The following PLXDC2 variants were observed in gnomAD, a reference collection of about 807,000 sequenced individuals.
PLXDC2 encodes the protein plexin domain-containing protein 2.
Under a neutral mutation model 68.9 loss-of-function variants are expected in PLXDC2, and 40 were observed. The observed-to-expected ratio is 0.58, with a 90% CI of 0.45 to 0.76. The LOEUF (loss-of-function observed/expected upper bound fraction) is 0.76. Among genes scored for constraint, PLXDC2 ranks in the 30% least tolerant of loss-of-function variants. PLXDC2 has a pLI of 0.00. For synonymous variants in PLXDC2, 243 were observed against 234.2 expected, an observed-to-expected ratio of 1.04 and a Z score of -0.34; for missense variants, 644 against 661.9, an observed-to-expected ratio of 0.97 and a Z score of 0.30.
intron 4 of PLXDC2, among the ~76,000 whole-genome samples, chr10:20,081,160 T>A (rs931239474): frequency 3.3e-5 from 5 of 152,132 alleles, no homozygotes; most frequent in African/African-American, 1.2e-4. Context: ...TGGGGGAAAG[T>A]CATTTCTCCC....
intron 1 of PLXDC2, among the ~76,000 whole-genome samples, chr10:19,825,100 A>G (rs140546664): frequency 6.6e-6 from 1 of 152,256 alleles, no homozygotes; most frequent in Non-Finnish European, 1.5e-5. Flanking sequence ...AGGCCTTATC[A>G]TAGTTAGTGG....
At chr10:20,059,805 G>A (rs1589609573) in intron 3 of PLXDC2, among the ~76,000 whole-genome samples, 2 of 152,200 alleles carry the variant, frequency 1.3e-5, no homozygotes, top group East Asian at 1.9e-4. Flanking sequence ...CATGGTAAAA[G>A]CATTATTAGT....
intron 13 of PLXDC2, among the ~76,000 whole-genome samples, chr10:20,247,584 C>T (rs1392479575): frequency 2.0e-5 from 3 of 152,136 alleles, no homozygotes; most frequent in Non-Finnish European, 4.4e-5. Context: ...CTTCCTGCCT[C>T]GGCAGCTGGG....
chr10:19,983,372 T>G (rs1834585298), intron 1 of PLXDC2, among the ~76,000 whole-genome samples: 1 of 152,230 alleles, frequency 6.6e-6, no homozygotes, highest in African/African-American at 2.4e-5. Flanking sequence ...TAAGCATTTT[T>G]CTAAGCGTTC....
chr10:20,236,823 A>G (rs1835438498), intron 12 of PLXDC2, among the ~76,000 whole-genome samples: 1 of 152,238 alleles, frequency 6.6e-6, no homozygotes, highest in East Asian at 1.9e-4. Context: ...ATATCTGCAC[A>G]TACACATGCC....
chr10:19,869,189 G>C (rs1837484392), intron 1 of PLXDC2, among the ~76,000 whole-genome samples: 1 of 152,026 alleles, frequency 6.6e-6, no homozygotes, highest in African/African-American at 2.4e-5. Context: ...TTGAGCTCAG[G>C]AGTTTGAGAC....
At position 19,987,345 on chromosome 10, in the gene PLXDC2, A is replaced by T. The variant is rs534258610; in HGVS notation, c.113-14430A>T. Among the ~76,000 whole-genome samples the T allele has an allele frequency of 1.4e-4, 21 of 151,844 alleles. 1 individual carries two copies. Among genetic ancestry groups the T allele is most frequent in the Non-Finnish European group, 3.1e-4 (21 of 67,980 alleles). On this transcript the variant is annotated intron_variant, in intron 1 of 13. Transcript: ENST00000377252. ...TGTCGCTTTCTTTTTTCCTTTTCCT[A>T]GTTTGTTAAAAGTTTGTCTAGATTT...
intron 1 of PLXDC2, among the ~76,000 whole-genome samples, chr10:19,884,869 G>A (rs1166811226): frequency 3.9e-5 from 6 of 152,196 alleles, no homozygotes; most frequent in Admixed American, 2.0e-4. Context: ...TATATACCCA[G>A]TAATGGGATG....
chr10:19,842,641 A>G (rs1340467610), intron 1 of PLXDC2, among the ~76,000 whole-genome samples: 1 of 152,220 alleles, frequency 6.6e-6, no homozygotes. Context: ...CCAGAAGATT[A>G]TCTGCAAAAC....
intron 2 of PLXDC2, among the ~76,000 whole-genome samples, chr10:20,038,258 A>G (rs540016081): frequency 6.6e-6 from 1 of 151,758 alleles, no homozygotes; most frequent in Non-Finnish European, 1.5e-5. Context: ...AAAAAAATTT[A>G]AAAAAAAGAA....
At chr10:20,016,602 A>C (rs1835216584) in intron 2 of PLXDC2, among the ~76,000 whole-genome samples, 1 of 152,198 alleles carries the variant, frequency 6.6e-6, no homozygotes, top group Admixed American at 6.5e-5. Context: ...GGGAATGAGA[A>C]AGTGTTTACC....
chr10:20,109,042 C>T (rs2131746360), intron 4 of PLXDC2, among the ~76,000 whole-genome samples: 1 of 152,286 alleles, frequency 6.6e-6, no homozygotes, highest in East Asian at 1.9e-4. Flanking sequence ...TTGCCTAATA[C>T]TGGGACAATA....
At chr10:20,130,712 A>C (rs2131775762) in intron 4 of PLXDC2, among the ~76,000 whole-genome samples, 1 of 152,236 alleles carries the variant, frequency 6.6e-6, no homozygotes, top group South Asian at 2.1e-4. Flanking sequence ...AGGATGTTAA[A>C]TTTTGTCAAA....
intron 9 of PLXDC2, among the ~76,000 whole-genome samples, chr10:20,181,991 A>G (rs1437163826): frequency 6.6e-6 from 1 of 151,722 alleles, no homozygotes; most frequent in African/African-American, 2.4e-5. Flanking sequence ...GAGGTATGAT[A>G]GTAACTTGGA....
chr10:19,845,773 G>T (rs1564607393), intron 1 of PLXDC2, among the ~76,000 whole-genome samples: 1 of 152,198 alleles, frequency 6.6e-6, no homozygotes, highest in Non-Finnish European at 1.5e-5. Context: ...TCAGGAGGCA[G>T]TTCATGCAGA....
intron 1 of PLXDC2, among the ~76,000 whole-genome samples, chr10:19,949,940 G>C (rs1472621071): frequency 6.6e-6 from 1 of 152,186 alleles, no homozygotes; most frequent in African/African-American, 2.4e-5. Context: ...GGAGATCAAA[G>C]TGAATTATTG....
intron 3 of PLXDC2, among the ~76,000 whole-genome samples, chr10:20,063,577 T>C (rs1836142069): frequency 6.9e-6 from 1 of 144,758 alleles, no homozygotes; most frequent in Admixed American, 7.0e-5. Flanking sequence ...AGGATTATAA[T>C]TCCTGTGTTA....
chr10:19,910,691 C>T (rs1032698560), intron 1 of PLXDC2, among the ~76,000 whole-genome samples: 1 of 147,536 alleles, frequency 6.8e-6, no homozygotes, highest in Non-Finnish European at 1.5e-5. Context: ...CCATGCCTAT[C>T]CCCACCAGCT....
chr10:19,884,097 A>G (rs1181644303), intron 1 of PLXDC2, among the ~76,000 whole-genome samples: 1 of 149,330 alleles, frequency 6.7e-6, no homozygotes, highest in East Asian at 2.0e-4. Context: ...GGGTTTTGCC[A>G]TGTTGGCCAG....
Sources: allele counts gnomAD v4.1 joint callset (sites outside exome capture counted in the v4.1 genomes callset), GRCh38; gene constraint gnomAD v4.1.1; transcripts MANE v1.5; gene names NCBI Gene and HGNC (gene_info 2026-07-23, HGNC 2026-07-21).